Variants in SFXN5 observed in about 807,000 individuals in gnomAD.
SFXN5 encodes the protein sideroflexin-5.
SFXN5 carries 43 observed loss-of-function variants against 50.2 expected under a neutral mutation model. The ratio of observed to expected loss-of-function variants is 0.86; its 90% CI spans 0.67 to 1.11. The LOEUF (loss-of-function observed/expected upper bound fraction) is 1.11, where lower values mean the gene tolerates loss of function less well. Ranked by LOEUF, SFXN5 falls within the 50% of genes least tolerant of loss-of-function variation. SFXN5 has a pLI of 0.00. For synonymous variants in SFXN5, 203 were observed against 185.8 expected (o/e 1.09, Z -0.75); for missense variants, 463 against 454.1 (o/e 1.02, Z -0.18).
chr2:72,976,872 A>G (rs912028815), intron 10 of SFXN5, among the ~76,000 whole-genome samples: 1 of 152,218 alleles, frequency 6.6e-6, no homozygotes, highest in Non-Finnish European at 1.5e-5. Flanking sequence ...CTGGAAAGTG[A>G]TATTTATTAC....
At chr2:73,044,156 C>A (rs1680001229) in intron 2 of SFXN5, among the ~76,000 whole-genome samples, 1 of 152,226 alleles carries the variant, frequency 6.6e-6, no homozygotes, top group Non-Finnish European at 1.5e-5. Flanking sequence ...GGCCAGATTC[C>A]ATCTCACTTG....
rs781233210 is a variant in SFXN5, at chr2:73,058,498, A to G, written c.171+30T>C. On this transcript the variant is annotated intron_variant, in intron 2 of 13. Coordinates refer to ENST00000272433, the MANE Select transcript of SFXN5 (RefSeq NM_144579.3). ...TGAAATGACAAGGTACAAAGGCCCA[A>G]GGGCCACTGAGGTGACAGCCATGAC... is the stretch of plus-strand genomic sequence containing the variant. The G allele has an allele frequency of 1.9e-6, 3 of 1,603,736 alleles. No individual in the cohort carries two copies. In the African/African-American group the frequency reaches 4.0e-5, roughly 21 times the overall value.
intron 1 of SFXN5, among the ~76,000 whole-genome samples, chr2:73,058,838 G>A (rs1665786821): frequency 6.6e-6 from 1 of 152,008 alleles, no homozygotes; most frequent in Non-Finnish European, 1.5e-5. Context: ...GCTCTTCCAG[G>A]TGACTTCCAT....
chr2:72,979,779 T>C (rs1671069681), intron 10 of SFXN5, among the ~76,000 whole-genome samples: 1 of 152,214 alleles, frequency 6.6e-6, no homozygotes, highest in Non-Finnish European at 1.5e-5. Flanking sequence ...GAATAGTATA[T>C]ATATATCTAT....
chr2:72,972,350 G>A (rs951532792), intron 10 of SFXN5, among the ~76,000 whole-genome samples: 1 of 152,260 alleles, frequency 6.6e-6, no homozygotes, highest in African/African-American at 2.4e-5. Context: ...CAGGGGGCAA[G>A]AGGGTTGGGG....
intron 10 of SFXN5, among the ~76,000 whole-genome samples, chr2:72,983,478 G>T (rs1053128239): frequency 6.6e-6 from 1 of 152,218 alleles, no homozygotes; most frequent in Non-Finnish European, 1.5e-5. Context: ...GGAGCAGCTG[G>T]CTGATGCCAA....
chr2:72,965,470 G>A (rs561390001), intron 12 of SFXN5, among the ~76,000 whole-genome samples: 1 of 152,292 alleles, frequency 6.6e-6, no homozygotes, highest in East Asian at 1.9e-4. Flanking sequence ...CGATAAGGCA[G>A]GGGTCTAACT....
At chr2:73,034,674 G>C (rs1678733744) in intron 3 of SFXN5, among the ~76,000 whole-genome samples, 1 of 152,114 alleles carries the variant, frequency 6.6e-6, no homozygotes, top group African/African-American at 2.4e-5. Flanking sequence ...GTGGTTCCCA[G>C]TAACCTGCTC....
chr2:73,043,358 A>G (rs1375613591), intron 2 of SFXN5, among the ~76,000 whole-genome samples: 8 of 152,244 alleles, frequency 5.3e-5, no homozygotes, highest in Admixed American at 3.3e-4. Context: ...GCTGGCTGCC[A>G]GAGTGGGAAA....
intron 3 of SFXN5, among the ~76,000 whole-genome samples, chr2:73,032,582 T>A (rs2105889603): frequency 6.6e-6 from 1 of 151,954 alleles, no homozygotes; most frequent in South Asian, 2.1e-4. Flanking sequence ...CAGAGGACAC[T>A]CACCAACTGG....
rs1228978337 is a variant in SFXN5 at position 72,943,788 on chromosome 2, T to A, written c.*1234A>T. The stretch of plus-strand genomic sequence containing the variant: ...CCCCTTCCCAGTCCAGAGTCCACAC[T>A]GGGGACATGCCCAGGATGACCAGCA... On this transcript the variant is annotated 3_prime_UTR_variant, in exon 14 of 14. Coordinates refer to ENST00000272433, the MANE Select transcript of SFXN5 (RefSeq NM_144579.3). The A allele has an allele frequency of 6.6e-6, 1 of 152,602 alleles. No homozygotes were observed. Among genetic ancestry groups the A allele is most frequent in the Non-Finnish European group, 1.5e-5 (1 of 68,080 alleles). The allele number at this position is 152,602 out of a possible 1,614,324, so 9.5% of individuals were successfully genotyped here.
At chr2:72,946,600 G>A (rs142580697) in intron 13 of SFXN5, among the ~76,000 whole-genome samples, 191 of 152,106 alleles carry the variant, frequency 1.3e-3, no homozygotes, top group African/African-American at 4.3e-3. Flanking sequence ...TCTCACAGGC[G>A]CCTGAACTCA....
intron 9 of SFXN5, among the ~76,000 whole-genome samples, chr2:72,988,907 C>T (rs984548784): frequency 6.6e-6 from 1 of 152,054 alleles, no homozygotes; most frequent in Admixed American, 6.5e-5. Context: ...GGCGGATGTC[C>T]TGGACTCACT....
chr2:73,028,540 T>C (rs533199553), intron 3 of SFXN5, among the ~76,000 whole-genome samples: 1 of 152,188 alleles, frequency 6.6e-6, no homozygotes, highest in African/African-American at 2.4e-5. Context: ...AAACATTAAA[T>C]AGCAAATAAA....
intron 2 of SFXN5, among the ~76,000 whole-genome samples, chr2:73,054,919 G>A (rs1365456795): frequency 2.0e-5 from 3 of 152,222 alleles, no homozygotes; most frequent in Non-Finnish European, 4.4e-5. Context: ...CTTCTTAGGA[G>A]AATCCAGACA....
rs183330303 is a variant in SFXN5, at chr2:73,020,096, A to G, written c.357+143T>C. ...CATCAAGAGATGTGGTAAGAAATAC[A>G]TATCATTTTATTTGGTAATTTCCCT... On this transcript the variant is annotated intron_variant, in intron 6 of 13. Transcript: ENST00000272433. The G allele has an allele frequency of 3.6e-4, 263 of 725,666 alleles. No homozygotes were observed. In the African/African-American group the frequency reaches 4.2e-3, roughly 11 times the overall value. The allele number at this position is 725,666 out of a possible 1,614,324, so 45.0% of individuals were successfully genotyped here.
At chr2:72,952,627 A>C (rs1328509643) in intron 13 of SFXN5, among the ~76,000 whole-genome samples, 1 of 152,204 alleles carries the variant, frequency 6.6e-6, no homozygotes. Context: ...GCTTTGCACC[A>C]TTCCTGGGTG....
intron 13 of SFXN5, among the ~76,000 whole-genome samples, chr2:72,954,031 G>T (rs943697156): frequency 1.3e-5 from 2 of 152,158 alleles, no homozygotes; most frequent in Non-Finnish European, 2.9e-5. Flanking sequence ...AGGCAGGAAG[G>T]AGTATGGGGT....
intron 9 of SFXN5, 55 bp from the exon 10 acceptor site, chr2:72,988,403 G>A: frequency 6.7e-7 from 1 of 1,494,660 alleles, no homozygotes; most frequent in Non-Finnish European, 9.2e-7. Context: ...GCAGTGGCTT[G>A]TGGGAGGAGG....
Sources: gnomAD v4.1 joint callset for allele counts (sites outside exome capture counted in the v4.1 genomes callset) on GRCh38, gnomAD v4.1.1 for gene constraint, MANE v1.5 for transcripts, NCBI Gene and HGNC (gene_info 2026-07-23, HGNC 2026-07-21) for gene names.